EXT2: variants seen among roughly 807,000 people sequenced by gnomAD.
The protein encoded by EXT2 is exostosin-2.
Under a neutral mutation model 81.6 loss-of-function variants are expected in EXT2, and 53 were observed. The ratio of observed to expected loss-of-function variants is 0.65; its 90% CI spans 0.52 to 0.82. The LOEUF (loss-of-function observed/expected upper bound fraction) is 0.82. Among genes scored for constraint, EXT2 ranks in the 40% least tolerant of loss-of-function variants. The pLI is 0.00. For missense variants in EXT2, 774 were observed against 910.2 expected, an observed-to-expected ratio of 0.85 and a Z score of 1.93; for synonymous variants, 320 against 340.0, an observed-to-expected ratio of 0.94 and a Z score of 0.65.
At chr11:44,197,752 TG>T in intron 8 of EXT2, 76 bp from the exon 9 acceptor site, 1 of 1,474,668 alleles carries the variant, frequency 6.8e-7, no homozygotes, top group Non-Finnish European at 9.5e-7. Context: ...CTGCCATGTT[TG>T]GGTTTGCTGA....
intron 13 of EXT2, among the ~76,000 whole-genome samples, chr11:44,240,255 G>C (rs1400110187): frequency 6.6e-6 from 1 of 152,212 alleles, no homozygotes; most frequent in Non-Finnish European, 1.5e-5. Flanking sequence ...GCATTTAGGA[G>C]ACACAAAGAG....
chr11:44,206,276 A>G (rs891077455), intron 9 of EXT2, among the ~76,000 whole-genome samples: 7 of 152,222 alleles, frequency 4.6e-5, no homozygotes, highest in South Asian at 2.1e-4. Context: ...CACATGCACT[A>G]TATTTCCTAG....
intron 7 of EXT2, among the ~76,000 whole-genome samples, chr11:44,156,185 A>T (rs570718450): frequency 6.6e-6 from 1 of 152,200 alleles, no homozygotes; most frequent in South Asian, 2.1e-4. Flanking sequence ...AAGTGTGATT[A>T]TTAAATGACT....
chr11:44,175,230 G>A (rs1955142103), intron 8 of EXT2, among the ~76,000 whole-genome samples: 1 of 152,194 alleles, frequency 6.6e-6, no homozygotes, highest in Non-Finnish European at 1.5e-5. Context: ...TGGTAAGTGA[G>A]GGAGAAGTTC....
At chr11:44,190,145 C>G (rs762590052) in intron 8 of EXT2, among the ~76,000 whole-genome samples, 3 of 152,194 alleles carry the variant, frequency 2.0e-5, no homozygotes, top group African/African-American at 7.2e-5. Flanking sequence ...TAGGGAGTCT[C>G]TTTGAACCTA....
chr11:44,178,437 A>G (rs767631797), intron 8 of EXT2, among the ~76,000 whole-genome samples: 1 of 152,138 alleles, frequency 6.6e-6, no homozygotes, highest in Non-Finnish European at 1.5e-5. Flanking sequence ...GATTAGAGGC[A>G]TCCAGAGGCT....
At chr11:44,200,152 A>T (rs1495120) in intron 9 of EXT2, among the ~76,000 whole-genome samples, 38,244 of 141,192 alleles carry the variant, frequency 0.27, 5,768 homozygotes, top group Admixed American at 0.43. Flanking sequence ...TATATATTAT[A>T]AAAAAAAAAA....
rs74384666 is a variant in EXT2 at position 44,099,890 on chromosome 11, C to A, written c.-31+4038C>A. Among the ~76,000 whole-genome samples, 17 of 152,232 alleles carry A rather than the reference C, an allele frequency of 1.1e-4. No individual in the cohort carries two copies. In the East Asian group the frequency reaches 3.1e-3, roughly 28 times the overall value. ...CCTCTCATTTCTTCTATTGTTTATTCCACCTCAAGTGCTTGCTTTTATTCC... is the reference window on the plus strand; with the variant it reads ...CCTCTCATTTCTTCTATTGTTTATTACACCTCAAGTGCTTGCTTTTATTCC... On this transcript the variant is annotated intron_variant, in intron 1 of 13. Transcript: ENST00000533608.
chr11:44,243,359 T>C (rs1451730182), intron 13 of EXT2, among the ~76,000 whole-genome samples: 1 of 152,102 alleles, frequency 6.6e-6, no homozygotes, highest in Non-Finnish European at 1.5e-5. Flanking sequence ...ACTTTGGGGG[T>C]GAGGTGGAGA....
At chr11:44,238,877 C>T (rs948034279) in intron 13 of EXT2, among the ~76,000 whole-genome samples, 1 of 152,174 alleles carries the variant, frequency 6.6e-6, no homozygotes, top group Non-Finnish European at 1.5e-5. Flanking sequence ...TAGTGCTGGA[C>T]TCCAAAAGGC....
At chr11:44,232,161 C>T (rs1216322881) in intron 10 of EXT2, among the ~76,000 whole-genome samples, 192 bp from the exon 11 acceptor site, 1 of 152,160 alleles carries the variant, frequency 6.6e-6, no homozygotes, top group African/African-American at 2.4e-5. Context: ...AAGTCAGAAT[C>T]AGCATCTGTC....
At chr11:44,214,931 G>T (rs1016174899) in intron 10 of EXT2, among the ~76,000 whole-genome samples, 3 of 151,754 alleles carry the variant, frequency 2.0e-5, no homozygotes, top group Non-Finnish European at 4.4e-5. Context: ...TTTTTGGCGG[G>T]GGGTGGGGGC....
intron 10 of EXT2, 147 bp downstream of exon 10, chr11:44,207,106 T>C (rs1400402715): frequency 1.1e-6 from 1 of 895,140 alleles, no homozygotes; most frequent in Non-Finnish European, 1.7e-6. Flanking sequence ...TGCGTAAGAG[T>C]GTGGGTTATG....
At chr11:44,211,592 A>C (rs770574654) in intron 10 of EXT2, among the ~76,000 whole-genome samples, 2 of 152,184 alleles carry the variant, frequency 1.3e-5, no homozygotes, top group Non-Finnish European at 2.9e-5. Flanking sequence ...AGAAGTAGAG[A>C]GTAGAATGGT....
chr11:44,117,996 C>G (rs1021496128), intron 4 of EXT2, among the ~76,000 whole-genome samples: 1 of 152,180 alleles, frequency 6.6e-6, no homozygotes, highest in Non-Finnish European at 1.5e-5. Flanking sequence ...GTTTTCCTGA[C>G]TATTCAGGTC....
At position 44,130,767 on chromosome 11, in the gene EXT2, A is replaced by G. The variant is rs894367016; in HGVS notation, c.1173+629A>G. Among the ~76,000 whole-genome samples the G allele has an allele frequency of 3.9e-5, 6 of 152,260 alleles. No homozygotes were observed. The East Asian group carries it at 1.2e-3, about 29-fold the overall frequency. On this transcript the variant is annotated intron_variant, in intron 7 of 13. Transcript: ENST00000533608. ...CAAGCAAGGTGAAAAAGTTAAGAAG[A>G]CTATCCCAAAAATTTTTAATGGACT...
intron 7 of EXT2, among the ~76,000 whole-genome samples, chr11:44,133,976 G>C (rs1486002850): frequency 3.3e-5 from 5 of 152,194 alleles, no homozygotes; most frequent in Non-Finnish European, 7.3e-5. Flanking sequence ...CAGCCAAAAA[G>C]TTAACTACAA....
chr11:44,232,091 A>G (rs1164373150), intron 10 of EXT2, among the ~76,000 whole-genome samples: 1 of 152,192 alleles, frequency 6.6e-6, no homozygotes, highest in Non-Finnish European at 1.5e-5. Flanking sequence ...GGCCCAACTC[A>G]GTAAGCTATT....
intron 13 of EXT2, among the ~76,000 whole-genome samples, chr11:44,241,290 A>T (rs1454461470): frequency 2.0e-5 from 3 of 152,242 alleles, no homozygotes; most frequent in Non-Finnish European, 4.4e-5. Flanking sequence ...AAAAAAGAAC[A>T]TAGTATTTTG....
Sources: allele counts gnomAD v4.1 joint callset (sites outside exome capture counted in the v4.1 genomes callset), GRCh38; gene constraint gnomAD v4.1.1; transcripts MANE v1.5; gene names NCBI Gene and HGNC (gene_info 2026-07-23, HGNC 2026-07-21).